Variants in CDH3 observed in about 807,000 individuals in gnomAD.
CDH3 encodes cadherin-3.
CDH3 carries 54 observed loss-of-function variants against 82.0 expected under a neutral mutation model. The observed-to-expected ratio is 0.66, with a 90% CI of 0.53 to 0.83. The LOEUF (loss-of-function observed/expected upper bound fraction) is 0.83, where lower values mean the gene tolerates loss of function less well. Ranked by LOEUF, CDH3 falls within the 40% of genes least tolerant of loss-of-function variation. The pLI is 0.00. For missense variants in CDH3, 1,054 were observed against 1,084.6 expected (o/e 0.97, Z 0.40); for synonymous variants, 446 against 437.9 (o/e 1.02, Z -0.23).
chr16:68,684,032 A>C (rs1961319365), intron 9 of CDH3, among the ~76,000 whole-genome samples: 1 of 140,920 alleles, frequency 7.1e-6, no homozygotes, highest in South Asian at 2.2e-4. Flanking sequence ...GCATCACTGC[A>C]CTCCAGCCTG....
At chr16:68,662,434 T>A (rs951972735) in intron 2 of CDH3, among the ~76,000 whole-genome samples, 1 of 152,010 alleles carries the variant, frequency 6.6e-6, no homozygotes, top group Non-Finnish European at 1.5e-5. Context: ...CAGTCACTGC[T>A]CTCCAGCCTG....
chr16:68,692,544 C>T (rs1454979281), intron 13 of CDH3, among the ~76,000 whole-genome samples: 1 of 152,146 alleles, frequency 6.6e-6, no homozygotes, highest in Non-Finnish European at 1.5e-5. Flanking sequence ...ATTAGAAAGG[C>T]AATTTCTCAG....
downstream of CDH3, among the ~76,000 whole-genome samples, chr16:68,730,682 A>C (rs953954801): frequency 2.0e-5 from 3 of 152,182 alleles, no homozygotes; most frequent in Non-Finnish European, 4.4e-5. Flanking sequence ...TCAGATATGC[A>C]GACTGAGATA....
chr16:68,656,348 A>G (rs953168014), intron 2 of CDH3, among the ~76,000 whole-genome samples: 6 of 152,068 alleles, frequency 3.9e-5, no homozygotes, highest in African/African-American at 1.2e-4. Context: ...CTGGAGGACC[A>G]TGTCTGCCTC....
At chr16:68,703,716 G>A (rs1760476019), downstream of CDH3, among the ~76,000 whole-genome samples, 1 of 152,186 alleles carries the variant, frequency 6.6e-6, no homozygotes, top group Non-Finnish European at 1.5e-5. Flanking sequence ...GGAGGCCGAG[G>A]CGGGTGGAAC....
intron 9 of CDH3, 132 bp downstream of exon 9, chr16:68,682,619 C>A: frequency 1.2e-6 from 1 of 826,798 alleles, no homozygotes; most frequent in South Asian, 1.4e-5. Flanking sequence ...CAACACTGTT[C>A]TACCACTCTT....
chr16:68,675,256 C>G (rs1960997503), intron 2 of CDH3, among the ~76,000 whole-genome samples: 1 of 152,132 alleles, frequency 6.6e-6, no homozygotes, highest in Non-Finnish European at 1.5e-5. Context: ...AGTTTGTGCC[C>G]TCGCCTGACA....
In CDH3 at chr16:68,682,303, A is replaced by C; in HGVS notation, c.998A>C (p.Tyr333Ser). 6.2e-7 allele frequency: 1 copy of C among 1,613,556 alleles called. No individual in the cohort carries two copies. Among genetic ancestry groups the C allele is most frequent in the Non-Finnish European group, 8.5e-7 (1 of 1,179,838 alleles). The change falls in exon 9 of 16, where the codon TAC (tyrosine) becomes TCC (serine). Residue 333 changes from tyrosine to serine, a missense_variant and splice_region_variant. Physicochemically the swap from Tyr to Ser is moderately radical, Grantham distance 144. Transcript: ENST00000264012. Reference protein sequence around the residue: ...DNAPMFDPQKYEAHVPENAVG... With the variant: ...DNAPMFDPQKSEAHVPENAVG... ...GTGCTGTGCTTCTCACACTGACAGT[A>C]CGAGGCCCATGTGCCTGAGAATGCA...
At chr16:68,694,261 C>CTCCCTTTTTTTTTTTTTTG (rs1961647702) in intron 13 of CDH3, among the ~76,000 whole-genome samples, 1 of 143,512 alleles carries the variant, frequency 7.0e-6, no homozygotes, top group African/African-American at 2.6e-5. Flanking sequence ...TGCAGTGAGC[C>CTCCCTTTTTTTTTTTTTTG]AAGATCCTGA....
At chr16:68,678,679 T>G in intron 5 of CDH3, 23 bp downstream of exon 5, 1 of 1,614,200 alleles carries the variant, frequency 6.2e-7, no homozygotes, top group East Asian at 2.2e-5. Context: ...TAGTGTCTAC[T>G]GTAAATGTCC....
chr16:68,687,506 A>C lies in CDH3; in HGVS notation c.1571-6A>C. On this transcript the variant is annotated splice_region_variant and splice_polypyrimidine_tract_variant and intron_variant, in intron 11 of 15. Coordinates refer to ENST00000264012, the MANE Select transcript of CDH3 (RefSeq NM_001793.6). ...GGGAGCTCATCATATGTGTCATTAC[A>C]AACAGGAAGCCCTCCCACCACTGGC... 6.2e-7 allele frequency: 1 copy of C among 1,613,336 alleles called. No individual in the cohort carries two copies. The highest frequency in any genetic ancestry group is 8.5e-7 in the Non-Finnish European group (1 of 1,179,376).
At chr16:68,704,787 G>A (rs1961940113), downstream of CDH3, among the ~76,000 whole-genome samples, 1 of 152,210 alleles carries the variant, frequency 6.6e-6, no homozygotes, top group Non-Finnish European at 1.5e-5. Context: ...AGGCGTGATG[G>A]CTCACACCTG....
intron 1 of CDH3, among the ~76,000 whole-genome samples, chr16:68,718,079 G>C (rs1459097925): frequency 6.6e-6 from 1 of 151,986 alleles, no homozygotes; most frequent in Non-Finnish European, 1.5e-5. Context: ...GCACAATCAT[G>C]GCTCACTGCA....
intron 1 of CDH3, among the ~76,000 whole-genome samples, chr16:68,721,229 CTTT>C (rs71148941): frequency 0.26 from 29,514 of 114,150 alleles, 3,170 homozygotes; most frequent in East Asian, 0.31. Flanking sequence ...GCAGTTTAGT[CTTT>C]TTTTTTTTTT....
In CDH3 at chr16:68,645,585, G is replaced by A. The variant is rs947726961; in HGVS notation, c.46-51G>A. Reference sequence around the variant, plus strand: ...GGACCCTGCGGTGTGGGGAGTGCAGGGCCGGGCACGCCTGGACCCAGCCTC... The same window carrying A: ...GGACCCTGCGGTGTGGGGAGTGCAGAGCCGGGCACGCCTGGACCCAGCCTC... On this transcript the variant is annotated intron_variant, in intron 1 of 15. Coordinates refer to ENST00000264012, the MANE Select transcript of CDH3 (RefSeq NM_001793.6). The A allele has an allele frequency of 2.8e-5, 42 of 1,498,336 alleles. No homozygotes were observed. The African/African-American group carries it at 3.7e-4, about 13-fold the overall frequency. 92.8% of individuals were successfully genotyped at this position (1,498,336 alleles called of 1,614,324 possible). A position where few individuals can be genotyped will look rare whatever the true frequency, so the allele number is the denominator to read the frequency against.
intron 2 of CDH3, among the ~76,000 whole-genome samples, chr16:68,652,492 G>A (rs1960277011): frequency 6.6e-6 from 1 of 152,180 alleles, no homozygotes; most frequent in South Asian, 2.1e-4. Flanking sequence ...TGATGGAAGA[G>A]GAGGGAGGAA....
At chr16:68,730,317 G>A (rs9989401), downstream of CDH3, among the ~76,000 whole-genome samples, 120,377 of 149,628 alleles carry the variant, frequency 0.8, 49,128 homozygotes, top group Non-Finnish European at 0.89. Flanking sequence ...ACTTGAGGTC[G>A]GGAGTTGGAG....
intron 2 of CDH3, 44 bp downstream of exon 2, chr16:68,645,794 A>G: frequency 6.9e-7 from 1 of 1,455,468 alleles, no homozygotes; most frequent in South Asian, 1.2e-5. Flanking sequence ...GCCGCACGTG[A>G]CCATTTTGGT....
At chr16:68,654,320 A>C (rs1191617610) in intron 2 of CDH3, among the ~76,000 whole-genome samples, 7 of 146,282 alleles carry the variant, frequency 4.8e-5, no homozygotes, top group African/African-American at 1.8e-4. Flanking sequence ...TGGCCTCCCA[A>C]AGTGCTGGGA....
Sources: gnomAD v4.1 joint callset for allele counts (sites outside exome capture counted in the v4.1 genomes callset) on GRCh38, gnomAD v4.1.1 for gene constraint, MANE v1.5 for transcripts, NCBI Gene and HGNC (gene_info 2026-07-23, HGNC 2026-07-21) for gene names.